GP1BB: variants seen among roughly 807,000 people sequenced by gnomAD.
GP1BB encodes platelet glycoprotein Ib beta chain.
Under a neutral mutation model 2.5 loss-of-function variants are expected in GP1BB, and 3 were observed. The ratio of observed to expected loss-of-function variants is 1.22; its 90% CI spans 0.56 to 3.15. The LOEUF is 3.15. Among genes scored for constraint, GP1BB ranks in the 30% most tolerant of loss-of-function variants. GP1BB has a pLI of 0.03. For missense variants in GP1BB, 316 were observed against 307.0 expected (o/e 1.03, Z -0.22); for synonymous variants, 191 against 167.5 (o/e 1.14, Z -1.08).
chr22:19,723,660 G>A, intron 1 of GP1BB, 81 bp downstream of exon 1: 1 of 1,496,386 alleles, frequency 6.7e-7, no homozygotes. Context: ...TTTGGCTGCA[G>A]CTGGGAGAGA....
Position 19,724,571 on chromosome 22 carries a change from C to T in GP1BB, c.*107C>T, listed in dbSNP as rs1059196. The T allele has an allele frequency of 0.38, 300,991 of 794,276 alleles. 60,967 individuals are homozygous for T. Among genetic ancestry groups the T allele is most frequent in the African/African-American group, 0.59 (34,510 of 58,376 alleles). 49.2% of individuals were successfully genotyped at this position (794,276 alleles called of 1,614,324 possible). ...GCCCTCGCGCCAACCTGGACCGGTC[C>T]CCGCCTCCTCCGCTGCCCAATCTCT... On this transcript the variant is annotated 3_prime_UTR_variant, in exon 2 of 2. Transcript: ENST00000366425.
chr22:19,724,292 C>T lies in GP1BB; in HGVS notation c.449C>T (p.Ala150Val), dbSNP rs1402632563. Reference protein sequence around the residue: ...ACAPGPLCWGALAAQLALLGL... With the variant: ...ACAPGPLCWGVLAAQLALLGL... ...GCTCCCGGCCCGCTCTGCTGGGGGG[C>T]GCTGGCGGCGCAGCTTGCGCTGCTG... Residue 150 changes from alanine (A) to valine (V), a missense_variant, in exon 2 of 2, where the codon GCG becomes GTG. Ala to Val is a moderately conservative substitution (Grantham distance 64, BLOSUM62 0). Transcript: ENST00000366425. 5 of 1,310,086 alleles carry T rather than the reference C, an allele frequency of 3.8e-6. No homozygotes were observed. In the African/African-American group the frequency reaches 6.2e-5, roughly 16 times the overall value. 81.2% of individuals were successfully genotyped at this position (1,310,086 alleles called of 1,614,324 possible). A position where few individuals can be genotyped will look rare whatever the true frequency, so the allele number is the denominator to read the frequency against.
chr22:19,723,608 G>A, intron 1 of GP1BB, 29 bp downstream of exon 1: 2 of 1,592,754 alleles, frequency 1.3e-6, no homozygotes, highest in Non-Finnish European at 1.7e-6. Context: ...CGGGCCCCCG[G>A]CTGCTCCCTA....
Position 19,724,475 on chromosome 22 carries a change from G to C in GP1BB, c.*11G>C, listed in dbSNP as rs544996817. On this transcript the variant is annotated 3_prime_UTR_variant, in exon 2 of 2. Coordinates refer to ENST00000366425, the MANE Select transcript of GP1BB (RefSeq NM_000407.5). ...ACCGACGAGTCCTGAGGAGAGAACC[G>C]GTGCGTCCTGAGGAGAGAACCGGCG... 387 of 1,517,798 alleles carry C rather than the reference G, an allele frequency of 2.5e-4. 1 individual carries two copies. In the African/African-American group the frequency reaches 3.1e-3, roughly 12 times the overall value. 94.0% of individuals were successfully genotyped at this position (1,517,798 alleles called of 1,614,324 possible). A position where few individuals can be genotyped will look rare whatever the true frequency, so the allele number is the denominator to read the frequency against.
rs1465799413 is a variant in GP1BB, at chr22:19,723,866, C to T, written c.23C>T (p.Ala8Val). 6.6e-6 allele frequency: 10 copies of T among 1,524,084 alleles called. No individual in the cohort carries two copies. Among genetic ancestry groups the T allele is most frequent in the Non-Finnish European group, 7.9e-6 (9 of 1,142,476 alleles). The allele number at this position is 1,524,084 out of a possible 1,614,324, so 94.4% of individuals were successfully genotyped here. MGSGPRGALSLLLLLLAP... is the reference protein window; with the variant it reads MGSGPRGVLSLLLLLLAP... ...GCTTCCCTTGCAGGGCCGCGCGGGG[C>T]GCTGAGCTTACTGCTCCTGCTGCTG... The change falls in exon 2 of 2, where the codon GCG becomes GTG. Residue 8 changes from alanine to valine, a missense_variant. Transcript: ENST00000366425.
rs753660783 is a variant in GP1BB, at chr22:19,723,574, G to A, written c.5G>A (p.Gly2Asp). ...CCGGGCTGCCGTCTTCTCGCCATGGGCTCCGGTGAGTCTGGAGTCCGGTCG... is the reference window on the plus strand; with the variant it reads ...CCGGGCTGCCGTCTTCTCGCCATGGACTCCGGTGAGTCTGGAGTCCGGTCG... M[G>D]SGPRGALSLL... Residue 2 changes from glycine to aspartate, a missense_variant, in exon 1 of 2, where the codon GGC becomes GAC. Physicochemically the swap from Gly to Asp is moderately conservative, Grantham distance 94. Coordinates refer to ENST00000366425, the MANE Select transcript of GP1BB (RefSeq NM_000407.5). The A allele has an allele frequency of 6.3e-7, 1 of 1,597,384 alleles. No homozygotes were observed. The highest frequency in any genetic ancestry group is 1.7e-5 in the Admixed American group (1 of 59,500).
intron 1 of GP1BB, 117 bp from the exon 2 acceptor site, chr22:19,723,737 G>T: frequency 7.6e-7 from 1 of 1,314,126 alleles, no homozygotes; most frequent in Non-Finnish European, 1.0e-6. Context: ...AGGCTGGCGG[G>T]CTACCGGGAC....
Position 19,724,740 on chromosome 22 carries a change from ACT to A in GP1BB, c.*279_*280del, listed in dbSNP as rs1221751605. ...AGACCCTGCTGCGTCTCCCTTCCAA[ACT>A]CTGGTGCTGAATAAACCCTTCTGAT... is the stretch of plus-strand genomic sequence containing the variant. On this transcript the variant is annotated 3_prime_UTR_variant, in exon 2 of 2. Transcript: ENST00000366425. 23 of 488,850 alleles carry A rather than the reference ACT, an allele frequency of 4.7e-5. No homozygotes were observed. Among genetic ancestry groups the A allele is most frequent in the Admixed American group, 3.7e-4 (11 of 29,656 alleles). 30.3% of individuals were successfully genotyped at this position (488,850 alleles called of 1,614,324 possible).
Position 19,724,160 on chromosome 22 carries a change from G to T in GP1BB, c.317G>T (p.Gly106Val). ...RLVPLRAWLA[G>V]RPERAPYRDL... ...GTGCCGCTGCGCGCCTGGCTGGCCG[G>T]CCGCCCCGAGCGTGCGCCCTACCGC... The change falls in exon 2 of 2, where the codon GGC becomes GTC. Residue 106 changes from glycine (G) to valine (V), a missense_variant. Gly to Val is a moderately radical substitution (Grantham distance 109). Coordinates refer to ENST00000366425, the MANE Select transcript of GP1BB (RefSeq NM_000407.5). The T allele has an allele frequency of 7.7e-7, 1 of 1,305,686 alleles. No homozygotes were observed. Among genetic ancestry groups the T allele is most frequent in the Non-Finnish European group, 9.7e-7 (1 of 1,028,530 alleles). The allele number at this position is 1,305,686 out of a possible 1,614,324, so 80.9% of individuals were successfully genotyped here. A position where few individuals can be genotyped will look rare whatever the true frequency, so the allele number is the denominator to read the frequency against.
In GP1BB at chr22:19,724,198, G is replaced by T; in HGVS notation, c.355G>T (p.Val119Leu). The T allele has an allele frequency of 8.1e-6, 10 of 1,239,762 alleles. No individual in the cohort carries two copies. The highest frequency in any genetic ancestry group is 1.0e-5 in the Non-Finnish European group (10 of 996,352). The allele number at this position is 1,239,762 out of a possible 1,614,324, so 76.8% of individuals were successfully genotyped here. A position where few individuals can be genotyped will look rare whatever the true frequency, so the allele number is the denominator to read the frequency against. Reference sequence around the variant, plus strand: ...TGCGCCCTACCGCGACCTGCGTTGCGTGGCGCCCCCAGCGCTGCGCGGCCG... The same window carrying T: ...TGCGCCCTACCGCGACCTGCGTTGCTTGGCGCCCCCAGCGCTGCGCGGCCG... The part of the protein sequence containing the change: ...ERAPYRDLRC[V>L]APPALRGRLL... Residue 119 changes from valine to leucine, a missense_variant, in exon 2 of 2, where the codon GTG becomes TTG. Physicochemically the swap from Val to Leu is conservative, Grantham distance 32. Transcript: ENST00000366425.
At position 19,724,328 on chromosome 22, in the gene GP1BB, T is replaced by A. The variant is rs1487734398; in HGVS notation, c.485T>A (p.Leu162Gln). 16 of 1,444,454 alleles carry A rather than the reference T, an allele frequency of 1.1e-5. No individual in the cohort carries two copies. In the Admixed American group the frequency reaches 1.1e-4, roughly 10 times the overall value. The allele number at this position is 1,444,454 out of a possible 1,614,324, so 89.5% of individuals were successfully genotyped here. The change falls in exon 2 of 2, where the codon CTG becomes CAG. Residue 162 changes from leucine to glutamine, a missense_variant. Leu to Gln is a moderately radical substitution (Grantham distance 113). Transcript: ENST00000366425. Reference sequence around the variant, plus strand: ...CAGCTTGCGCTGCTGGGCCTTGGGCTGCTGCACGCGTTGCTGCTGGTGCTG... The same window carrying A: ...CAGCTTGCGCTGCTGGGCCTTGGGCAGCTGCACGCGTTGCTGCTGGTGCTG... Reference protein sequence around the residue: ...AAQLALLGLGLLHALLLVLLL... With the variant: ...AAQLALLGLGQLHALLLVLLL...
chr22:19,724,390 C>A lies in GP1BB; in HGVS notation c.547C>A (p.Arg183Ser), dbSNP rs1441874501. The change falls in exon 2 of 2, where the codon CGC (arginine) becomes AGC (serine). Residue 183 changes from arginine (R) to serine (S), a missense_variant. By Grantham distance (110) the Arg-to-Ser change is moderately radical. Coordinates refer to ENST00000366425, the MANE Select transcript of GP1BB (RefSeq NM_000407.5). ...CCTGCGGAGGCTGCGGGCCCGGGCC[C>A]GCGCTCGCGCCGCAGCCCGGCTGTC... ...CRLRRLRARA[R>S]ARAAARLSLT... The A allele has an allele frequency of 1.3e-6, 2 of 1,534,978 alleles. No homozygotes were observed. The highest frequency in any genetic ancestry group is 1.4e-5 in the African/African-American group (1 of 71,554).
rs1159558795 is a variant in GP1BB at position 19,724,367 on chromosome 22, T to C, written c.524T>C (p.Leu175Pro). ...CTGCTGGTGCTGCTGCTGTGCCGCC[T>C]GCGGAGGCTGCGGGCCCGGGCCCGC... ...ALLLVLLLCRLRRLRARARAR... is the reference protein window; with the variant it reads ...ALLLVLLLCRPRRLRARARAR... The change falls in exon 2 of 2, where the codon CTG becomes CCG. Residue 175 changes from leucine to proline, a missense_variant. By Grantham distance (98) the Leu-to-Pro change is moderately conservative (BLOSUM62 -3). Transcript: ENST00000366425. 4.5e-5 allele frequency: 67 copies of C among 1,494,862 alleles called. No individual in the cohort carries two copies. The highest frequency in any genetic ancestry group is 5.6e-5 in the Non-Finnish European group (63 of 1,124,544). 92.6% of individuals were successfully genotyped at this position (1,494,862 alleles called of 1,614,324 possible).
chr22:19,724,065 G>T lies in GP1BB; in HGVS notation c.222G>T (p.Leu74=), dbSNP rs1446756638. The change falls in exon 2 of 2, where the codon CTG becomes CTT. Residue 74 remains leucine, a synonymous_variant. Transcript: ENST00000366425. ...ACCTGACGGCGCTGCCGCCGGGGCT[G>T]CTGGACGCGCTGCCCGCGCTGCGCA... ...GNNLTALPPG[L]LDALPALRTA... The T allele has an allele frequency of 5.3e-6, 8 of 1,503,350 alleles. No individual in the cohort carries two copies. The Admixed American group carries it at 1.5e-4, about 27-fold the overall frequency. The allele number at this position is 1,503,350 out of a possible 1,614,324, so 93.1% of individuals were successfully genotyped here. A position where few individuals can be genotyped will look rare whatever the true frequency, so the allele number is the denominator to read the frequency against.
intron 1 of GP1BB, 27 bp downstream of exon 1, chr22:19,723,606 C>G (rs774439805): frequency 3.8e-6 from 6 of 1,592,580 alleles, no homozygotes; most frequent in Non-Finnish European, 5.1e-6. Context: ...GTCGGGCCCC[C>G]GGCTGCTCCC....
intron 1 of GP1BB, 93 bp from the exon 2 acceptor site, chr22:19,723,761 G>A (rs766946477): frequency 2.1e-4 from 281 of 1,366,852 alleles, no homozygotes; most frequent in Admixed American, 5.4e-4. Flanking sequence ...GGGCATCAGG[G>A]GCTGGATGGA....
rs1178573640 is a variant in GP1BB at position 19,724,418 on chromosome 22, T to C, written c.575T>C (p.Leu192Pro). 4.5e-6 allele frequency: 7 copies of C among 1,543,674 alleles called. No individual in the cohort carries two copies. The highest frequency in any genetic ancestry group is 6.1e-6 in the Non-Finnish European group (7 of 1,144,342). The change falls in exon 2 of 2, where the codon CTG becomes CCG. Residue 192 changes from leucine to proline, a missense_variant. By Grantham distance (98) the Leu-to-Pro change is moderately conservative. Coordinates refer to ENST00000366425, the MANE Select transcript of GP1BB (RefSeq NM_000407.5). ...GCTCGCGCCGCAGCCCGGCTGTCGC[T>C]GACCGACCCGCTGGTGGCCGAGCGA... ...ARARAAARLS[L>P]TDPLVAERAG...
Position 19,723,561 on chromosome 22 carries a change from C to G in GP1BB, c.-9C>G. 6.3e-7 allele frequency: 1 copy of G among 1,595,236 alleles called. No homozygotes were observed. The highest frequency in any genetic ancestry group is 1.3e-5 in the African/African-American group (1 of 74,908). On this transcript the variant is annotated 5_prime_UTR_variant, in exon 1 of 2. Coordinates refer to ENST00000366425, the MANE Select transcript of GP1BB (RefSeq NM_000407.5). ...GCTGCAGAGTAAGCCGGGCTGCCGT[C>G]TTCTCGCCATGGGCTCCGGTGAGTC... is the stretch of plus-strand genomic sequence containing the variant.
In GP1BB at chr22:19,724,457, A is replaced by AGTCCTGAGGAGAGAACCGGTGC; in HGVS notation, c.*13_*34dup. ...GTGGCCGAGCGAGCCGGAACCGACGAGTCCTGAGGAGAGAACCGGTGCGTC... is the reference window on the plus strand; with the variant it reads ...GTGGCCGAGCGAGCCGGAACCGACGAGTCCTGAGGAGAGAACCGGTGCGTCCTGAGGAGAGAACCGGTGCGTC... On this transcript the variant is annotated stop_gained and frameshift_variant, in exon 2 of 2. Coordinates refer to ENST00000366425, the MANE Select transcript of GP1BB (RefSeq NM_000407.5). LOFTEE classifies it high-confidence loss of function. The AGTCCTGAGGAGAGAACCGGTGC allele has an allele frequency of 1.3e-6, 2 of 1,539,978 alleles. No homozygotes were observed. Among genetic ancestry groups the AGTCCTGAGGAGAGAACCGGTGC allele is most frequent in the Non-Finnish European group, 1.8e-6 (2 of 1,139,920 alleles).
Sources: allele counts gnomAD v4.1 joint callset, GRCh38; gene constraint gnomAD v4.1.1; transcripts MANE v1.5; gene names NCBI Gene and HGNC (gene_info 2026-07-23, HGNC 2026-07-21).